The following DCDC1 variants were observed in gnomAD, a reference collection of about 807,000 sequenced individuals.
DCDC1 encodes the protein doublecortin domain containing 1.
A neutral mutation model predicts 178.3 loss-of-function variants in DCDC1; 200 were observed. The ratio of observed to expected loss-of-function variants is 1.12; its 90% CI spans 1.00 to 1.26. The LOEUF (loss-of-function observed/expected upper bound fraction) is 1.26. Among genes scored for constraint, DCDC1 ranks in the 50% most tolerant of loss-of-function variants. DCDC1 has a pLI of 0.00. For missense variants in DCDC1, 1,983 were observed against 1,749.2 expected, an observed-to-expected ratio of 1.13 and a Z score of -2.38; for synonymous variants, 690 against 604.8, an observed-to-expected ratio of 1.14 and a Z score of -2.07.
intron 20 of DCDC1, among the ~76,000 whole-genome samples, chr11:31,020,732 TCTC>T (rs1219855397): frequency 2.0e-5 from 3 of 152,094 alleles, no homozygotes; most frequent in South Asian, 2.1e-4. Flanking sequence ...CCACCGCACT[TCTC>T]CTACTTTATA....
At position 31,212,015 on chromosome 11, in the gene DCDC1, G is replaced by A. The variant is rs533711837; in HGVS notation, c.1221+29435C>T. ...AGAGAATGGCATGAATCCAGGAGGC[G>A]GAGCTTGCAGTGAGCCAAGATCGCG... On this transcript the variant is annotated intron_variant, in intron 9 of 38. Coordinates refer to ENST00000684477, the MANE Select transcript of DCDC1 (RefSeq NM_001387274.1). Among the ~76,000 whole-genome samples the A allele has an allele frequency of 9.9e-5, 15 of 151,418 alleles. No individual in the cohort carries two copies. The East Asian group carries it at 1.8e-3, about 18-fold the overall frequency.
At position 31,183,648 on chromosome 11, in the gene DCDC1, G is replaced by A. The variant is rs1969118072; in HGVS notation, c.1222-45864C>T. ...CCTTCCTATATACCAATAATAGAGAGTCAAATCGTAAGTGAACTCCCATTC... is the reference window on the plus strand; with the variant it reads ...CCTTCCTATATACCAATAATAGAGAATCAAATCGTAAGTGAACTCCCATTC... On this transcript the variant is annotated intron_variant, in intron 9 of 38. Transcript: ENST00000684477. Among the ~76,000 whole-genome samples the A allele has an allele frequency of 4.6e-5, 7 of 152,104 alleles. No individual in the cohort carries two copies. In the South Asian group the frequency reaches 1.5e-3, roughly 32 times the overall value.
At position 31,328,204 on chromosome 11, in the gene DCDC1, TC is replaced by T. The variant is rs747004937; in HGVS notation, c.76del (p.Glu26LysfsTer17). 2 of 1,612,650 alleles carry T rather than the reference TC, an allele frequency of 1.2e-6. No homozygotes were observed. Among genetic ancestry groups the T allele is most frequent in the Middle Eastern group, 1.7e-4 (1 of 6,058 alleles). On this transcript the variant is annotated frameshift_variant, in exon 3 of 39. Coordinates refer to ENST00000684477, the MANE Select transcript of DCDC1 (RefSeq NM_001387274.1). LOFTEE classifies it high-confidence loss of function. ...TTCAGGGCTACTTTGCTGTAATACT[TC>T]CATTGCTTCAGTCAAGAGGGATAAG... is the stretch of plus-strand genomic sequence containing the variant. Reference protein sequence around the residue: ...SSLSLLTEAMEVLQQSSPEGT... With the variant: ...SSLSLLTEAMXVLQQSSPEGT...
intron 9 of DCDC1, among the ~76,000 whole-genome samples, chr11:31,219,240 T>A (rs1973968806): frequency 6.6e-6 from 1 of 152,120 alleles, no homozygotes; most frequent in South Asian, 2.1e-4. Flanking sequence ...AAATAGTACA[T>A]GACCTGTAAA....
At chr11:31,332,928 G>C (rs1399544001) in intron 2 of DCDC1, among the ~76,000 whole-genome samples, 1 of 152,118 alleles carries the variant, frequency 6.6e-6, no homozygotes, top group Non-Finnish European at 1.5e-5. Context: ...TCAAGTCCTG[G>C]ATATCCTTTT....
chr11:31,186,373 C>T (rs1969490723), intron 9 of DCDC1, among the ~76,000 whole-genome samples: 2 of 152,200 alleles, frequency 1.3e-5, no homozygotes, highest in Admixed American at 6.5e-5. Flanking sequence ...ATTGCTACTT[C>T]CTCGCAGAGG....
chr11:31,150,707 C>T (rs908482259), intron 9 of DCDC1, among the ~76,000 whole-genome samples: 1 of 151,906 alleles, frequency 6.6e-6, no homozygotes, highest in African/African-American at 2.4e-5. Context: ...GTACTTATTT[C>T]TTATCATCTA....
In DCDC1 at chr11:31,039,709, C is replaced by G. The variant is rs75826090; in HGVS notation, c.2591+24760G>C. Among the ~76,000 whole-genome samples the G allele has an allele frequency of 9.9e-5, 15 of 152,176 alleles. No homozygotes were observed. In the East Asian group the frequency reaches 2.9e-3, roughly 29 times the overall value. On this transcript the variant is annotated intron_variant, in intron 20 of 38. Coordinates refer to ENST00000684477, the MANE Select transcript of DCDC1 (RefSeq NM_001387274.1). ...AGGTTCAAGAATGATATGATATTCACAAGGATAATGGGTATTATGCCATAA... is the reference window on the plus strand; with the variant it reads ...AGGTTCAAGAATGATATGATATTCAGAAGGATAATGGGTATTATGCCATAA...
intron 17 of DCDC1, among the ~76,000 whole-genome samples, chr11:31,083,355 T>G (rs1352078934): frequency 6.6e-6 from 1 of 152,156 alleles, no homozygotes; most frequent in Non-Finnish European, 1.5e-5. Flanking sequence ...AGACTAAAGA[T>G]AGAAAAGAGG....
chr11:31,029,949 C>T (rs1953508314), intron 20 of DCDC1, among the ~76,000 whole-genome samples: 1 of 151,942 alleles, frequency 6.6e-6, no homozygotes, highest in Admixed American at 6.6e-5. Flanking sequence ...CAAAAGGAAG[C>T]CCCCCTCCAT....
At chr11:31,339,380 TA>T (rs1349865408) in intron 1 of DCDC1, among the ~76,000 whole-genome samples, 1 of 152,218 alleles carries the variant, frequency 6.6e-6, no homozygotes, top group East Asian at 1.9e-4. Context: ...GCCTTGATCT[TA>T]GACATCCTAG....
intron 8 of DCDC1, among the ~76,000 whole-genome samples, chr11:31,252,530 G>C (rs1232547920): frequency 6.6e-6 from 1 of 151,894 alleles, no homozygotes; most frequent in Non-Finnish European, 1.5e-5. Flanking sequence ...TACTGACCTG[G>C]AAAAAAAGAG....
chr11:31,257,454 G>C (rs749219963), intron 8 of DCDC1, among the ~76,000 whole-genome samples: 1 of 152,006 alleles, frequency 6.6e-6, no homozygotes, highest in Non-Finnish European at 1.5e-5. Flanking sequence ...ATCTTCTTCA[G>C]TTAAGATACA....
chr11:31,195,122 C>T (rs769429035), intron 9 of DCDC1, among the ~76,000 whole-genome samples: 1 of 152,042 alleles, frequency 6.6e-6, no homozygotes, highest in Non-Finnish European at 1.5e-5. Flanking sequence ...ACAACATACA[C>T]GTTTCTAAGG....
chr11:30,925,187 A>G, intron 23 of DCDC1, 122 bp downstream of exon 23: 1 of 847,786 alleles, frequency 1.2e-6, no homozygotes, highest in Non-Finnish European at 1.8e-6. Flanking sequence ...CTCAGTTAGG[A>G]TAATTCTGAG....
At chr11:31,324,826 T>C (rs925555000) in intron 3 of DCDC1, among the ~76,000 whole-genome samples, 2 of 152,154 alleles carry the variant, frequency 1.3e-5, no homozygotes, top group African/African-American at 4.8e-5. Context: ...AAATAGTGAT[T>C]GAATAGATTA....
intron 9 of DCDC1, among the ~76,000 whole-genome samples, chr11:31,153,819 A>ACACACACACACACACACAC (rs1565356578): frequency 2.4e-4 from 11 of 45,774 alleles, no homozygotes; most frequent in Admixed American, 1.7e-3. Context: ...CACACACACA[A>ACACACACACACACACACAC]TTACCATAAC....
intron 18 of DCDC1, among the ~76,000 whole-genome samples, chr11:31,068,663 C>T (rs75067818): frequency 0.012 from 1,832 of 152,162 alleles, 40 homozygotes; most frequent in African/African-American, 0.041. Flanking sequence ...TCATTTTATT[C>T]AGTTCTGAAT....
At chr11:31,011,133 T>G (rs1454855686) in intron 20 of DCDC1, among the ~76,000 whole-genome samples, 1 of 152,138 alleles carries the variant, frequency 6.6e-6, no homozygotes, top group Non-Finnish European at 1.5e-5. Flanking sequence ...AAAACTCCTC[T>G]GTACTTTTCT....
Sources: allele counts gnomAD v4.1 joint callset (sites outside exome capture counted in the v4.1 genomes callset), GRCh38; gene constraint gnomAD v4.1.1; transcripts MANE v1.5; gene names NCBI Gene and HGNC (gene_info 2026-07-23, HGNC 2026-07-21).